RPS6KC1: variants seen among roughly 807,000 people sequenced by gnomAD.
The protein encoded by RPS6KC1 is ribosomal protein S6 kinase C1.
Under a neutral mutation model 103.8 loss-of-function variants are expected in RPS6KC1, and 54 were observed. That is an observed-to-expected ratio of 0.52 (90% CI 0.42 to 0.65). The LOEUF (loss-of-function observed/expected upper bound fraction) is 0.65, where lower values mean the gene tolerates loss of function less well. RPS6KC1 is among the 30% of genes least tolerant of loss of function. The pLI is 0.00. For missense variants in RPS6KC1, 1,151 were observed against 1,253.8 expected, an observed-to-expected ratio of 0.92 and a Z score of 1.24; for synonymous variants, 439 against 438.7, an observed-to-expected ratio of 1.00 and a Z score of -0.01.
chr1:213,089,782 C>T (rs1047835916), intron 3 of RPS6KC1, among the ~76,000 whole-genome samples: 1 of 152,176 alleles, frequency 6.6e-6, no homozygotes, highest in Non-Finnish European at 1.5e-5. Flanking sequence ...GTTAAAGTGC[C>T]TGGCAAGCAT....
rs554249922 is a variant in RPS6KC1, at chr1:213,167,268, G to A, written c.836-590G>A. Among the ~76,000 whole-genome samples the A allele has an allele frequency of 3.9e-5, 6 of 152,264 alleles. No homozygotes were observed. In the South Asian group the frequency reaches 1.2e-3, roughly 32 times the overall value. On this transcript the variant is annotated intron_variant, in intron 6 of 14. Coordinates refer to ENST00000366960, the MANE Select transcript of RPS6KC1 (RefSeq NM_012424.6). ...AAGAGTATGATGGGAAGAAGAAAGG[G>A]ACATTTCCCAGAAGCAGAAGATGCT...
the RPS6KC1 span, among the ~76,000 whole-genome samples, chr1:213,349,411 G>T: frequency 6.6e-6 from 1 of 152,134 alleles, no homozygotes; most frequent in Non-Finnish European, 1.5e-5. Context: ...AAGCAGGATG[G>T]ATTTAGGCTA....
At chr1:213,364,792 A>T in the RPS6KC1 span, among the ~76,000 whole-genome samples, 5 of 151,704 alleles carry the variant, frequency 3.3e-5, no homozygotes, top group South Asian at 8.3e-4. Context: ...TGTCTCTACT[A>T]AAAAAAATCA....
chr1:213,143,015 G>A (rs1422285428), intron 6 of RPS6KC1, among the ~76,000 whole-genome samples: 1 of 151,928 alleles, frequency 6.6e-6, no homozygotes, highest in Admixed American at 6.6e-5. Flanking sequence ...GGTATATTTA[G>A]CAAATTTAAA....
chr1:213,807,248 A>G, the RPS6KC1 span, among the ~76,000 whole-genome samples: 1 of 152,164 alleles, frequency 6.6e-6, no homozygotes, highest in East Asian at 1.9e-4. Context: ...GAATCTGACA[A>G]TTATGTGTCT....
the RPS6KC1 span, among the ~76,000 whole-genome samples, chr1:213,482,362 A>G: frequency 6.6e-6 from 1 of 151,634 alleles, no homozygotes; most frequent in South Asian, 2.1e-4. Flanking sequence ...CTTTTGGCCC[A>G]TGGAGATGCT....
the RPS6KC1 span, among the ~76,000 whole-genome samples, chr1:213,617,564 G>T: frequency 6.6e-6 from 1 of 152,180 alleles, no homozygotes; most frequent in African/African-American, 2.4e-5. Flanking sequence ...TTATGAGTGG[G>T]TTATGAAAGC....
the RPS6KC1 span, among the ~76,000 whole-genome samples, chr1:213,785,448 A>G: frequency 0.051 from 7,836 of 152,182 alleles, 277 homozygotes; most frequent in Middle Eastern, 0.11. Context: ...CAGAAAATAA[A>G]CCCAAAACAA....
the RPS6KC1 span, among the ~76,000 whole-genome samples, chr1:213,374,891 G>A: frequency 6.6e-6 from 1 of 152,198 alleles, no homozygotes; most frequent in Admixed American, 6.5e-5. Context: ...GTGTGTGATG[G>A]GGAGGGAAAA....
the RPS6KC1 span, among the ~76,000 whole-genome samples, chr1:213,733,239 G>GT: frequency 0.77 from 113,773 of 147,074 alleles, 44,092 homozygotes; most frequent in Middle Eastern, 0.91. Flanking sequence ...TTTGGGTTTT[G>GT]TTTTTTTTTT....
chr1:213,529,097 C>T, the RPS6KC1 span, among the ~76,000 whole-genome samples: 16 of 152,146 alleles, frequency 1.1e-4, no homozygotes, highest in Non-Finnish European at 2.2e-4. Context: ...TTATGATCCA[C>T]TGGAAGAGAC....
chr1:213,696,051 T>C, the RPS6KC1 span, among the ~76,000 whole-genome samples: 2 of 152,224 alleles, frequency 1.3e-5, no homozygotes, highest in African/African-American at 4.8e-5. Context: ...TTAGATCATA[T>C]TAAAATCTAA....
At chr1:213,615,911 G>A in the RPS6KC1 span, among the ~76,000 whole-genome samples, 1 of 152,340 alleles carries the variant, frequency 6.6e-6, no homozygotes, top group East Asian at 1.9e-4. Flanking sequence ...CTTAGTGACT[G>A]TTCTGGGGGA....
Position 213,205,547 on chromosome 1 carries a change from G to GATATATATATATATATATATAT in RPS6KC1, c.1045-24930_1045-24929insATATATATATATATATATATAT, listed in dbSNP as rs764745657. The stretch of plus-strand genomic sequence containing the variant: ...AACAACAAACTCATTTATATATATA[G>GATATATATATATATATATATAT]ATATATATATATATATATATTTCAA... On this transcript the variant is annotated intron_variant, in intron 8 of 14. Coordinates refer to ENST00000366960, the MANE Select transcript of RPS6KC1 (RefSeq NM_012424.6). 1.1e-4 allele frequency among the ~76,000 whole-genome samples: 11 copies of GATATATATATATATATATATAT among 102,442 alleles called. 1 individual carries two copies. The highest frequency in any genetic ancestry group is 4.0e-4 in the African/African-American group (11 of 27,296). The allele number at this position is 102,442 out of a possible 152,430, so 67.2% of individuals were successfully genotyped here. A position where few individuals can be genotyped will look rare whatever the true frequency, so the allele number is the denominator to read the frequency against.
At chr1:213,782,318 G>C in the RPS6KC1 span, among the ~76,000 whole-genome samples, 1 of 152,144 alleles carries the variant, frequency 6.6e-6, no homozygotes, top group Non-Finnish European at 1.5e-5. Flanking sequence ...CTCATCCCAA[G>C]ACTTCAAATG....
At chr1:213,606,830 G>T in the RPS6KC1 span, among the ~76,000 whole-genome samples, 1 of 152,188 alleles carries the variant, frequency 6.6e-6, no homozygotes, top group Non-Finnish European at 1.5e-5. Flanking sequence ...AGATATTATT[G>T]TAATAATGAT....
the RPS6KC1 span, among the ~76,000 whole-genome samples, chr1:213,791,627 G>T: frequency 6.6e-6 from 1 of 152,122 alleles, no homozygotes; most frequent in African/African-American, 2.4e-5. Flanking sequence ...AGGGATTCCT[G>T]CTGTCCTAAT....
chr1:213,294,782 C>T, the RPS6KC1 span, among the ~76,000 whole-genome samples: 1 of 152,136 alleles, frequency 6.6e-6, no homozygotes, highest in East Asian at 1.9e-4. Context: ...AGCATAGTTA[C>T]AGGAAAGAAT....
At chr1:213,350,400 G>A in the RPS6KC1 span, among the ~76,000 whole-genome samples, 4 of 152,266 alleles carry the variant, frequency 2.6e-5, no homozygotes, top group East Asian at 3.9e-4. Flanking sequence ...AAGAGCTATC[G>A]AGGAGTCCTG....
Sources: allele counts gnomAD v4.1 joint callset (sites outside exome capture counted in the v4.1 genomes callset), GRCh38; gene constraint gnomAD v4.1.1; transcripts MANE v1.5; gene names NCBI Gene and HGNC (gene_info 2026-07-23, HGNC 2026-07-21).